The following CCSER1 variants were observed in gnomAD, a reference collection of about 807,000 sequenced individuals.
The protein encoded by CCSER1 is serine-rich coiled-coil domain-containing protein 1.
Under a neutral mutation model 82.0 loss-of-function variants are expected in CCSER1, and 41 were observed. The observed-to-expected ratio is 0.50, with a 90% CI of 0.39 to 0.65. The LOEUF is 0.65. Ranked by LOEUF, CCSER1 falls within the 30% of genes least tolerant of loss-of-function variation. CCSER1 has a pLI of 0.00. For synonymous variants in CCSER1, 414 were observed against 383.9 expected (o/e 1.08, Z -0.92); for missense variants, 1,119 against 1,064.2 (o/e 1.05, Z -0.72).
At chr4:90,797,675 C>T (rs1052946095) in intron 7 of CCSER1, among the ~76,000 whole-genome samples, 2 of 152,198 alleles carry the variant, frequency 1.3e-5, no homozygotes, top group Admixed American at 6.5e-5. Flanking sequence ...CTGGTGGTAA[C>T]AAATTCCCTC....
At chr4:90,429,950 A>C (rs1400448004) in intron 4 of CCSER1, among the ~76,000 whole-genome samples, 1 of 151,860 alleles carries the variant, frequency 6.6e-6, no homozygotes, top group African/African-American at 2.4e-5. Flanking sequence ...AGCAGACACT[A>C]TGTGTTGAGG....
chr4:90,494,850 C>A (rs1768726598), intron 5 of CCSER1, among the ~76,000 whole-genome samples: 1 of 146,102 alleles, frequency 6.8e-6, no homozygotes, highest in South Asian at 2.1e-4. Context: ...AAATGGATAT[C>A]CTGGGGTAGA....
chr4:90,651,787 A>G (rs2149047323), intron 6 of CCSER1, among the ~76,000 whole-genome samples: 1 of 152,320 alleles, frequency 6.6e-6, no homozygotes, highest in South Asian at 2.1e-4. Context: ...TCTCCTTCCA[A>G]GACAAGTTTT....
At chr4:91,504,055 T>C (rs944458572) in intron 10 of CCSER1, among the ~76,000 whole-genome samples, 30 of 152,268 alleles carry the variant, frequency 2.0e-4, no homozygotes, top group African/African-American at 7.0e-4. Context: ...TTAAATCACA[T>C]TGAAGTGTTG....
At chr4:90,751,598 T>C (rs1286903440) in intron 7 of CCSER1, among the ~76,000 whole-genome samples, 1 of 152,134 alleles carries the variant, frequency 6.6e-6, no homozygotes, top group Non-Finnish European at 1.5e-5. Context: ...GTTAAATAGT[T>C]GTTAAAGCAT....
chr4:90,874,549 CCCAAGA>C (rs1165647467), intron 8 of CCSER1, among the ~76,000 whole-genome samples: 2 of 152,236 alleles, frequency 1.3e-5, no homozygotes, highest in Non-Finnish European at 2.9e-5. Context: ...TTCCCTCCCT[CCCAAGA>C]CCTTGAGAAA....
chr4:91,504,763 C>T (rs149838950), intron 10 of CCSER1, among the ~76,000 whole-genome samples: 3 of 152,082 alleles, frequency 2.0e-5, no homozygotes, highest in Non-Finnish European at 2.9e-5. Context: ...CCAAACAAAA[C>T]ATGACTAAAT....
intron 1 of CCSER1, among the ~76,000 whole-genome samples, chr4:90,166,302 T>C (rs995935778): frequency 6.6e-6 from 1 of 151,944 alleles, no homozygotes; most frequent in African/African-American, 2.4e-5. Flanking sequence ...ATTTCCAACT[T>C]AGATATTTTC....
At chr4:91,383,129 T>A (rs1199554519) in intron 10 of CCSER1, among the ~76,000 whole-genome samples, 2 of 152,052 alleles carry the variant, frequency 1.3e-5, no homozygotes, top group Admixed American at 6.6e-5. Context: ...ACGAAAAAAA[T>A]TGTGTGATTC....
Position 91,316,240 on chromosome 4 carries a change from T to C in CCSER1, c.2217+230246T>C, listed in dbSNP as rs553521044. Among the ~76,000 whole-genome samples the C allele has an allele frequency of 5.3e-5, 8 of 152,090 alleles. 1 individual carries two copies. In the South Asian group the frequency reaches 1.7e-3, roughly 32 times the overall value. On this transcript the variant is annotated intron_variant, in intron 10 of 10. Transcript: ENST00000509176. ...CTTTATTAGCAGCGTGAGAATGAAATAACACAGTAATAGTTTTTATATTTT... is the reference window on the plus strand; with the variant it reads ...CTTTATTAGCAGCGTGAGAATGAAACAACACAGTAATAGTTTTTATATTTT...
At chr4:91,522,335 T>G (rs985975249) in intron 10 of CCSER1, among the ~76,000 whole-genome samples, 9 of 152,290 alleles carry the variant, frequency 5.9e-5, no homozygotes, top group African/African-American at 1.9e-4. Flanking sequence ...TTGTTCTTTT[T>G]GCTTAGGATT....
At chr4:91,553,072 T>G (rs1370540702) in intron 10 of CCSER1, among the ~76,000 whole-genome samples, 1 of 151,636 alleles carries the variant, frequency 6.6e-6, no homozygotes, top group Non-Finnish European at 1.5e-5. Context: ...GAGACGTATA[T>G]TCTACACTTA....
At chr4:91,360,890 G>A (rs1749202061) in intron 10 of CCSER1, among the ~76,000 whole-genome samples, 1 of 151,902 alleles carries the variant, frequency 6.6e-6, no homozygotes, top group Non-Finnish European at 1.5e-5. Context: ...TAGGATGGAG[G>A]AGGTTATAAA....
chr4:90,410,717 A>G (rs1392432070), intron 4 of CCSER1, among the ~76,000 whole-genome samples: 1 of 151,430 alleles, frequency 6.6e-6, no homozygotes, highest in Non-Finnish European at 1.5e-5. Context: ...ACAATTAACT[A>G]GAGAAGCAAG....
intron 6 of CCSER1, among the ~76,000 whole-genome samples, chr4:90,693,099 T>C (rs1736328374): frequency 6.6e-6 from 1 of 151,932 alleles, no homozygotes; most frequent in Admixed American, 6.6e-5. Flanking sequence ...ATGGACTCAC[T>C]AAATCTTACT....
chr4:90,550,229 C>T (rs17017166), intron 5 of CCSER1, among the ~76,000 whole-genome samples: 21,367 of 151,912 alleles, frequency 0.14, 1,881 homozygotes, highest in East Asian at 0.44. Flanking sequence ...TTTTCAAGGG[C>T]GGATGTGTGT....
At position 90,815,759 on chromosome 4, in the gene CCSER1, T is replaced by C; in HGVS notation, c.2011-3T>C. 1.3e-6 allele frequency: 2 copies of C among 1,548,956 alleles called. No homozygotes were observed. The highest frequency in any genetic ancestry group is 1.7e-6 in the Non-Finnish European group (2 of 1,145,030). ...TTATGCTGTCTCTTTGATGTTTTTATAGGATATAATGAAAGATGAATGCTC... is the reference window on the plus strand; with the variant it reads ...TTATGCTGTCTCTTTGATGTTTTTACAGGATATAATGAAAGATGAATGCTC... On this transcript the variant is annotated splice_region_variant and splice_polypyrimidine_tract_variant and intron_variant, in intron 7 of 10. Coordinates refer to ENST00000509176, the MANE Select transcript of CCSER1 (RefSeq NM_001145065.2).
intron 10 of CCSER1, among the ~76,000 whole-genome samples, chr4:91,275,189 T>A (rs1742326785): frequency 6.6e-6 from 1 of 152,216 alleles, no homozygotes; most frequent in African/African-American, 2.4e-5. Context: ...GTTCTATTTA[T>A]CGTTTTTCAA....
chr4:90,411,439 T>A (rs1212948331), intron 4 of CCSER1, among the ~76,000 whole-genome samples: 5 of 152,350 alleles, frequency 3.3e-5, no homozygotes, highest in African/African-American at 1.2e-4. Context: ...TCACATGGGC[T>A]TCATCCCTGG....
Sources: allele counts gnomAD v4.1 joint callset (sites outside exome capture counted in the v4.1 genomes callset), GRCh38; gene constraint gnomAD v4.1.1; transcripts MANE v1.5; gene names NCBI Gene and HGNC (gene_info 2026-07-23, HGNC 2026-07-21).